The following NUTF2 variants were observed in gnomAD, a reference collection of about 807,000 sequenced individuals.
NUTF2 encodes placental protein 15.
Under a neutral mutation model 18.5 loss-of-function variants are expected in NUTF2, and 3 were observed. That is an observed-to-expected ratio of 0.16 (90% CI 0.07 to 0.42). The LOEUF (loss-of-function observed/expected upper bound fraction) is 0.42, where lower values mean the gene tolerates loss of function less well. NUTF2 is among the 10% of genes least tolerant of loss of function. NUTF2 has a pLI of 0.99. For missense variants in NUTF2, 44 were observed against 160.7 expected (o/e 0.27, Z 3.93); for synonymous variants, 51 against 57.9 (o/e 0.88, Z 0.54).
chr16:67,855,559 C>G (rs1314133629), intron 1 of NUTF2, among the ~76,000 whole-genome samples: 1 of 152,096 alleles, frequency 6.6e-6, no homozygotes, highest in Non-Finnish European at 1.5e-5. Flanking sequence ...GCTGTTTGTC[C>G]CAGTGTCCTC....
chr16:67,848,508 G>C (rs981387035), intron 1 of NUTF2, among the ~76,000 whole-genome samples: 1 of 152,172 alleles, frequency 6.6e-6, no homozygotes, highest in Admixed American at 6.5e-5. Flanking sequence ...GCTTGAACCC[G>C]GGAGGTGGAG....
intron 1 of NUTF2, chr16:67,847,574 TCTTACCGCGCC>T (rs920463355): frequency 1.3e-5 from 2 of 152,422 alleles, no homozygotes; most frequent in African/African-American, 4.8e-5. Context: ...AGTGTACGTT[TCTTACCGCGCC>T]CTTTGTGGAG....
At chr16:67,854,899 G>A (rs987998137) in intron 1 of NUTF2, among the ~76,000 whole-genome samples, 2 of 152,006 alleles carry the variant, frequency 1.3e-5, no homozygotes, top group East Asian at 1.9e-4. Context: ...CCAAGATCGC[G>A]CCACTGCACT....
intron 4 of NUTF2, among the ~76,000 whole-genome samples, chr16:67,869,484 C>A (rs1839088336): frequency 6.6e-6 from 1 of 151,768 alleles, no homozygotes; most frequent in Admixed American, 6.6e-5. Context: ...TGTGCTTCAG[C>A]ATATTAAAGT....
intron 1 of NUTF2, among the ~76,000 whole-genome samples, chr16:67,848,769 AAGC>A (rs981691542): frequency 6.6e-5 from 10 of 152,016 alleles, no homozygotes; most frequent in South Asian, 2.1e-4. Flanking sequence ...AAAAAAAAAA[AAGC>A]AGCAGCAGCT....
At chr16:67,858,249 T>C (rs1409160212) in intron 1 of NUTF2, among the ~76,000 whole-genome samples, 1 of 152,098 alleles carries the variant, frequency 6.6e-6, no homozygotes, top group Non-Finnish European at 1.5e-5. Flanking sequence ...CTCACTACAA[T>C]ATTTGCCTCC....
chr16:67,864,906 G>T (rs2057960140), intron 1 of NUTF2, among the ~76,000 whole-genome samples, 196 bp from the exon 2 acceptor site: 1 of 152,124 alleles, frequency 6.6e-6, no homozygotes, highest in Non-Finnish European at 1.5e-5. Context: ...GGCTGGGTCT[G>T]ATCTACCTCT....
intron 2 of NUTF2, among the ~76,000 whole-genome samples, chr16:67,867,119 G>A (rs1486376875): frequency 2.6e-5 from 4 of 151,602 alleles, no homozygotes; most frequent in Admixed American, 6.6e-5. Flanking sequence ...TTACAGGCAC[G>A]CACCACCATG....
At chr16:67,869,074 A>G (rs1598170625) in intron 4 of NUTF2, among the ~76,000 whole-genome samples, 1 of 143,548 alleles carries the variant, frequency 7.0e-6, no homozygotes, top group South Asian at 2.1e-4. Flanking sequence ...GATTCCTGGA[A>G]CTCCTATTTC....
intron 1 of NUTF2, among the ~76,000 whole-genome samples, chr16:67,863,057 C>T (rs915408824): frequency 9.9e-5 from 15 of 152,284 alleles, no homozygotes; most frequent in African/African-American, 3.1e-4. Context: ...ACCAGGTGGA[C>T]GGGGCAGAAA....
chr16:67,855,669 G>GCC (rs1057117205), intron 1 of NUTF2, among the ~76,000 whole-genome samples: 2 of 152,150 alleles, frequency 1.3e-5, no homozygotes, highest in African/African-American at 2.4e-5. Flanking sequence ...AAAGCTTGCT[G>GCC]CCCCAGGAAA....
At chr16:67,851,907 T>C (rs13333801) in intron 1 of NUTF2, among the ~76,000 whole-genome samples, 10,530 of 151,956 alleles carry the variant, frequency 0.069, 506 homozygotes, top group Middle Eastern at 0.2. Flanking sequence ...TCCCAGCTAC[T>C]CAGGAGGCTG....
chr16:67,858,354 G>A (rs1310344339), intron 1 of NUTF2, among the ~76,000 whole-genome samples: 1 of 152,064 alleles, frequency 6.6e-6, no homozygotes, highest in Non-Finnish European at 1.5e-5. Flanking sequence ...TTTTAGTAGA[G>A]ACGGGGTTTC....
rs187457875 is a variant in NUTF2, at chr16:67,869,176, C to T, written c.270+577C>T. ...CTCAGCTCACTACACTTCTGCCTTC[C>T]GAGTTCAAGCAATTCTCCAGCCTCA... On this transcript the variant is annotated intron_variant, in intron 4 of 4. Coordinates refer to ENST00000219169, the MANE Select transcript of NUTF2 (RefSeq NM_005796.3). Among the ~76,000 whole-genome samples the T allele has an allele frequency of 4.0e-3, 601 of 151,830 alleles. 6 individuals carry two copies. The highest frequency in any genetic ancestry group is 0.013 in the African/African-American group (551 of 41,418).
At chr16:67,850,304 A>T (rs1036390441) in intron 1 of NUTF2, among the ~76,000 whole-genome samples, 4 of 149,884 alleles carry the variant, frequency 2.7e-5, no homozygotes, top group Non-Finnish European at 5.9e-5. Flanking sequence ...TCCCGGGTTC[A>T]CGCCATTCTC....
intron 1 of NUTF2, among the ~76,000 whole-genome samples, chr16:67,851,743 C>T (rs1433378995): frequency 1.3e-5 from 2 of 151,588 alleles, no homozygotes; most frequent in African/African-American, 2.4e-5. Flanking sequence ...AGTCTGGGCG[C>T]AGTGGCTCAC....
chr16:67,866,149 C>T (rs1356183020), intron 2 of NUTF2, among the ~76,000 whole-genome samples: 1 of 152,172 alleles, frequency 6.6e-6, no homozygotes, highest in Non-Finnish European at 1.5e-5. Context: ...GTAATCCAGG[C>T]ACAGTCTCAG....
At chr16:67,867,969 A>C (rs1284030581) in intron 2 of NUTF2, among the ~76,000 whole-genome samples, 1 of 152,128 alleles carries the variant, frequency 6.6e-6, no homozygotes, top group Non-Finnish European at 1.5e-5. Flanking sequence ...TACAGGCGTG[A>C]GCCACCGTGC....
At chr16:67,862,118 A>G (rs1484209488) in intron 1 of NUTF2, among the ~76,000 whole-genome samples, 2 of 152,076 alleles carry the variant, frequency 1.3e-5, no homozygotes, top group Non-Finnish European at 2.9e-5. Context: ...TTGGCCTTTA[A>G]GCCAAAAGCA....
Sources: allele counts gnomAD v4.1 joint callset (sites outside exome capture counted in the v4.1 genomes callset), GRCh38; gene constraint gnomAD v4.1.1; transcripts MANE v1.5; gene names NCBI Gene and HGNC (gene_info 2026-07-23, HGNC 2026-07-21).